Variants in ATRNL1 observed in about 807,000 individuals in gnomAD.
ATRNL1 encodes attractin-like protein 1.
Under a neutral mutation model 182.7 loss-of-function variants are expected in ATRNL1, and 95 were observed. That is an observed-to-expected ratio of 0.52 (90% CI 0.44 to 0.62). The LOEUF is 0.62. ATRNL1 is among the 20% of genes least tolerant of loss of function. The pLI is 0.00. For missense variants in ATRNL1, 1,471 were observed against 1,679.5 expected (o/e 0.88, Z 2.17); for synonymous variants, 576 against 568.3 (o/e 1.01, Z -0.19).
intron 9 of ATRNL1, among the ~76,000 whole-genome samples, chr10:115,220,009 C>G (rs1327389805): frequency 2.6e-5 from 4 of 152,184 alleles, no homozygotes; most frequent in Non-Finnish European, 4.4e-5. Context: ...TTGTCAACAT[C>G]AGTTGACTCA....
chr10:115,939,968 T>C (rs968802122), intron 28 of ATRNL1, among the ~76,000 whole-genome samples: 40 of 152,190 alleles, frequency 2.6e-4, no homozygotes, highest in Non-Finnish European at 4.4e-5. Context: ...CCAGAAAAGA[T>C]CGCAAACGAC....
At chr10:115,196,942 G>C (rs1554891207) in intron 8 of ATRNL1, among the ~76,000 whole-genome samples, 1 of 152,098 alleles carries the variant, frequency 6.6e-6, no homozygotes, top group Non-Finnish European at 1.5e-5. Context: ...CTACTGAGTA[G>C]AAGTAGTGAC....
intron 28 of ATRNL1, among the ~76,000 whole-genome samples, chr10:115,936,395 T>C (rs1357645113): frequency 3.3e-5 from 5 of 152,162 alleles, no homozygotes; most frequent in African/African-American, 9.7e-5. Flanking sequence ...TGCTAAATCC[T>C]TGGGGACTAA....
At chr10:115,112,305 A>G (rs533605344) in intron 1 of ATRNL1, among the ~76,000 whole-genome samples, 11 of 152,218 alleles carry the variant, frequency 7.2e-5, no homozygotes, top group Admixed American at 2.6e-4. Flanking sequence ...TGAAACCACA[A>G]AAGACCACAA....
At chr10:115,248,355 G>A (rs1055481651) in intron 10 of ATRNL1, among the ~76,000 whole-genome samples, 1 of 151,834 alleles carries the variant, frequency 6.6e-6, no homozygotes, top group Non-Finnish European at 1.5e-5. Context: ...TAACTCTTGG[G>A]GGAAGAAGGC....
intron 26 of ATRNL1, among the ~76,000 whole-genome samples, chr10:115,628,101 C>A (rs952902240): frequency 6.7e-6 from 1 of 149,690 alleles, no homozygotes; most frequent in African/African-American, 2.5e-5. Context: ...GAGCCAAGAT[C>A]GCACCACTGC....
chr10:115,841,119 A>C (rs1950798478), intron 27 of ATRNL1, among the ~76,000 whole-genome samples: 1 of 152,132 alleles, frequency 6.6e-6, no homozygotes, highest in Non-Finnish European at 1.5e-5. Flanking sequence ...AGGATAATCT[A>C]TTCAGAGTCA....
At chr10:115,918,547 A>T (rs1555117971) in intron 28 of ATRNL1, among the ~76,000 whole-genome samples, 1 of 152,204 alleles carries the variant, frequency 6.6e-6, no homozygotes, top group African/African-American at 2.4e-5. Context: ...ACTTTAAAGA[A>T]ATAATTAGAA....
intron 14 of ATRNL1, among the ~76,000 whole-genome samples, chr10:115,282,645 T>C (rs1166089990): frequency 1.3e-5 from 2 of 152,168 alleles, no homozygotes; most frequent in Admixed American, 1.3e-4. Flanking sequence ...ATACAGGCAT[T>C]TAACCAGTTC....
At chr10:115,317,920 T>C (rs1207849526) in intron 18 of ATRNL1, among the ~76,000 whole-genome samples, 2 of 152,132 alleles carry the variant, frequency 1.3e-5, no homozygotes, top group Non-Finnish European at 1.5e-5. Flanking sequence ...TTGCCAGAAC[T>C]TCTAGTACCA....
chr10:115,854,387 T>A (rs1951129734), intron 28 of ATRNL1, among the ~76,000 whole-genome samples: 2 of 152,162 alleles, frequency 1.3e-5, no homozygotes, highest in South Asian at 4.1e-4. Flanking sequence ...CCACTTAGAA[T>A]TCACTTAGTG....
At chr10:115,413,928 T>C (rs620937) in intron 20 of ATRNL1, among the ~76,000 whole-genome samples, 57,234 of 151,730 alleles carry the variant, frequency 0.38, 11,954 homozygotes, top group African/African-American at 0.56. Context: ...CATATAAATA[T>C]ACATATGTGC....
intron 15 of ATRNL1, among the ~76,000 whole-genome samples, chr10:115,294,524 TCTC>T (rs1853083340): frequency 6.6e-6 from 1 of 152,358 alleles, no homozygotes; most frequent in Middle Eastern, 3.4e-3. Context: ...CTATCTGTAT[TCTC>T]CTATATCTCA....
chr10:115,555,391 A>T (rs1461739790), intron 26 of ATRNL1, among the ~76,000 whole-genome samples: 1 of 151,910 alleles, frequency 6.6e-6, no homozygotes, highest in East Asian at 1.9e-4. Flanking sequence ...TTTTCAAAGT[A>T]TACTCATATA....
intron 1 of ATRNL1, among the ~76,000 whole-genome samples, chr10:115,102,840 A>G (rs929254714): frequency 2.0e-5 from 3 of 152,316 alleles, no homozygotes; most frequent in African/African-American, 7.2e-5. Context: ...CTGTTTGTCA[A>G]TTAAAAAAGT....
intron 24 of ATRNL1, among the ~76,000 whole-genome samples, chr10:115,479,917 A>C (rs971069665): frequency 6.6e-6 from 1 of 151,356 alleles, no homozygotes; most frequent in Non-Finnish European, 1.5e-5. Flanking sequence ...TTTAAATTAA[A>C]TTAGATTGAC....
In ATRNL1 at chr10:115,669,377, AG is replaced by A. The variant is rs1474472292; in HGVS notation, c.3796-57870del. 7.2e-5 allele frequency among the ~76,000 whole-genome samples: 11 copies of A among 152,288 alleles called. No individual in the cohort carries two copies. In the East Asian group the frequency reaches 2.1e-3, roughly 29 times the overall value. On this transcript the variant is annotated intron_variant, in intron 26 of 28. Coordinates refer to ENST00000355044, the MANE Select transcript of ATRNL1 (RefSeq NM_207303.4). The stretch of plus-strand genomic sequence containing the variant: ...GAGTATATCTAGATATAGAAATACT[AG>A]ATTTGTAATATTGAGACCACATTAC...
At chr10:115,542,757 A>G (rs117221274) in intron 25 of ATRNL1, among the ~76,000 whole-genome samples, 3,341 of 152,256 alleles carry the variant, frequency 0.022, 66 homozygotes, top group Non-Finnish European at 0.033. Context: ...ATTATCTCCC[A>G]GTTCCAGAGG....
intron 5 of ATRNL1, among the ~76,000 whole-genome samples, chr10:115,142,422 A>AGAT (rs1438677385): frequency 6.6e-6 from 1 of 151,346 alleles, no homozygotes; most frequent in Non-Finnish European, 1.5e-5. Flanking sequence ...GAGATTAGTC[A>AGAT]GATATGAACT....
Sources: allele counts gnomAD v4.1 joint callset (sites outside exome capture counted in the v4.1 genomes callset), GRCh38; gene constraint gnomAD v4.1.1; transcripts MANE v1.5; gene names NCBI Gene and HGNC (gene_info 2026-07-23, HGNC 2026-07-21).